The following UNC13C variants were observed in gnomAD, a reference collection of about 807,000 sequenced individuals.
The protein encoded by UNC13C is unc-13 homolog C.
A neutral mutation model predicts 245.4 loss-of-function variants in UNC13C; 174 were observed. The ratio of observed to expected loss-of-function variants is 0.71; its 90% CI spans 0.63 to 0.80. The LOEUF (loss-of-function observed/expected upper bound fraction) is 0.80, where lower values mean the gene tolerates loss of function less well. UNC13C is among the 30% of genes least tolerant of loss of function. UNC13C has a pLI of 0.00. For synonymous variants in UNC13C, 992 were observed against 895.1 expected (o/e 1.11, Z -1.93); for missense variants, 2,829 against 2,602.9 (o/e 1.09, Z -1.89).
intron 14 of UNC13C, among the ~76,000 whole-genome samples, chr15:54,331,705 G>A (rs565549749): frequency 2.0e-5 from 3 of 152,192 alleles, no homozygotes; most frequent in Admixed American, 6.6e-5. Flanking sequence ...GCATTATATT[G>A]TTGTGAATTA....
intron 26 of UNC13C, among the ~76,000 whole-genome samples, chr15:54,538,009 A>G (rs1896060926): frequency 6.6e-6 from 1 of 151,706 alleles, no homozygotes; most frequent in African/African-American, 2.4e-5. Context: ...GCTTCTACAG[A>G]GCAAAAGAAA....
At chr15:54,213,081 A>G (rs916156687) in intron 4 of UNC13C, among the ~76,000 whole-genome samples, 17 of 152,018 alleles carry the variant, frequency 1.1e-4, no homozygotes, top group African/African-American at 4.1e-4. Context: ...GAAAACTTGG[A>G]CAATCTTCTA....
At chr15:54,312,836 T>C (rs978226062) in intron 13 of UNC13C, among the ~76,000 whole-genome samples, 4 of 151,780 alleles carry the variant, frequency 2.6e-5, no homozygotes, top group Non-Finnish European at 5.9e-5. Flanking sequence ...TTCCTCTCTG[T>C]CAGGTTAGTG....
chr15:54,396,124 A>G (rs973127103), intron 18 of UNC13C, among the ~76,000 whole-genome samples: 17 of 151,796 alleles, frequency 1.1e-4, no homozygotes, highest in South Asian at 2.1e-4. Context: ...GAATATAATA[A>G]AATTTCACAT....
At chr15:54,499,957 A>G (rs1894126026) in intron 20 of UNC13C, 122 bp from the exon 21 acceptor site, 2 of 755,394 alleles carry the variant, frequency 2.6e-6, no homozygotes, top group Non-Finnish European at 4.2e-6. Flanking sequence ...GCAAAACTGC[A>G]AGAGAGAATG....
the UNC13C span, among the ~76,000 whole-genome samples, chr15:53,917,602 A>T: frequency 6.6e-6 from 1 of 152,274 alleles, no homozygotes; most frequent in African/African-American, 2.4e-5. Flanking sequence ...ACTCAGTGGT[A>T]ATTCAGACCT....
chr15:54,409,049 TAG>T (rs915054218), intron 18 of UNC13C, among the ~76,000 whole-genome samples: 4 of 152,166 alleles, frequency 2.6e-5, no homozygotes, highest in African/African-American at 9.7e-5. Flanking sequence ...TGAAGTCCTG[TAG>T]AGAGTCATTA....
chr15:54,552,471 TATATA>T (rs1308962134), intron 28 of UNC13C, among the ~76,000 whole-genome samples: 28 of 2,430 alleles, frequency 0.012, no homozygotes, highest in African/African-American at 0.095. Context: ...TATATTACAA[TATATA>T]ATATAATTAT....
chr15:54,118,553 G>T (rs894902716), intron 2 of UNC13C, among the ~76,000 whole-genome samples: 2 of 152,076 alleles, frequency 1.3e-5, no homozygotes, highest in Non-Finnish European at 2.9e-5. Flanking sequence ...TTTTGGTGGA[G>T]TCTAGGTTTT....
chr15:54,301,623 CT>C (rs2037585414), intron 13 of UNC13C, among the ~76,000 whole-genome samples: 1 of 152,040 alleles, frequency 6.6e-6, no homozygotes, highest in Non-Finnish European at 1.5e-5. Context: ...TGAACTCATC[CT>C]TTTTTATAGC....
chr15:54,314,285 G>A (rs1000569151), intron 13 of UNC13C, among the ~76,000 whole-genome samples: 16 of 151,764 alleles, frequency 1.1e-4, no homozygotes, highest in African/African-American at 2.9e-4. Context: ...AGAGCAAAGC[G>A]AATAGATTTT....
intron 4 of UNC13C, among the ~76,000 whole-genome samples, chr15:54,157,088 A>T (rs1006109644): frequency 1.3e-5 from 2 of 152,200 alleles, no homozygotes; most frequent in Non-Finnish European, 2.9e-5. Context: ...CCTCTCACCA[A>T]TTGAGTACAA....
At chr15:54,506,859 A>G (rs1894496768) in intron 22 of UNC13C, among the ~76,000 whole-genome samples, 1 of 152,138 alleles carries the variant, frequency 6.6e-6, no homozygotes, top group Admixed American at 6.5e-5. Context: ...CTATGTATAA[A>G]AGCAGTGAGT....
At chr15:54,408,370 A>G (rs2040351296) in intron 18 of UNC13C, among the ~76,000 whole-genome samples, 3 of 152,028 alleles carry the variant, frequency 2.0e-5, no homozygotes, top group Admixed American at 1.3e-4. Flanking sequence ...TAAATATCAA[A>G]CAAACTCATT....
intron 30 of UNC13C, among the ~76,000 whole-genome samples, chr15:54,572,741 T>TA (rs1391710988): frequency 6.6e-6 from 1 of 152,158 alleles, no homozygotes; most frequent in Non-Finnish European, 1.5e-5. Flanking sequence ...CTTTAATTTT[T>TA]AATTCATGTT....
chr15:54,058,730 G>C (rs1595785176), intron 2 of UNC13C, among the ~76,000 whole-genome samples: 1 of 152,228 alleles, frequency 6.6e-6, no homozygotes, highest in South Asian at 2.1e-4. Flanking sequence ...CTGGCAAACA[G>C]AATCCAGCAG....
At chr15:53,964,429 C>T in the UNC13C span, among the ~76,000 whole-genome samples, 1 of 152,164 alleles carries the variant, frequency 6.6e-6, no homozygotes, top group Non-Finnish European at 1.5e-5. Context: ...ACAGAGCTAT[C>T]CCTATGGGTG....
chr15:54,063,291 T>A (rs1183021716), intron 2 of UNC13C, among the ~76,000 whole-genome samples: 1 of 152,104 alleles, frequency 6.6e-6, no homozygotes, highest in African/African-American at 2.4e-5. Flanking sequence ...GAAGGGTAGT[T>A]CCAAAGCAAG....
intron 2 of UNC13C, among the ~76,000 whole-genome samples, chr15:54,059,747 T>C (rs1036105340): frequency 6.6e-6 from 1 of 152,190 alleles, no homozygotes; most frequent in African/African-American, 2.4e-5. Context: ...CAAAACAGCA[T>C]GGTACTGGTA....
Sources: gnomAD v4.1 joint callset for allele counts (sites outside exome capture counted in the v4.1 genomes callset) on GRCh38, gnomAD v4.1.1 for gene constraint, MANE v1.5 for transcripts, NCBI Gene and HGNC (gene_info 2026-07-23, HGNC 2026-07-21) for gene names.